GTF2IRD1: variants seen among roughly 807,000 people sequenced by gnomAD.
The protein encoded by GTF2IRD1 is GTF2I repeat domain containing 1.
Under a neutral mutation model 113.2 loss-of-function variants are expected in GTF2IRD1, and 26 were observed. That is an observed-to-expected ratio of 0.23 (90% confidence interval 0.17 to 0.32). The LOEUF is 0.32. GTF2IRD1 is among the 10% of genes least tolerant of loss of function. The pLI, the probability that GTF2IRD1 is intolerant of heterozygous loss-of-function variation, is 1.00. For missense variants in GTF2IRD1, 864 were observed against 1,280.8 expected, an observed-to-expected ratio of 0.67 and a Z score of 4.97; for synonymous variants, 484 against 529.1, an observed-to-expected ratio of 0.91 and a Z score of 1.17.
chr7:74,472,612 C>T (rs1251417326), intron 1 of GTF2IRD1, among the ~76,000 whole-genome samples: 1 of 152,140 alleles, frequency 6.6e-6, no homozygotes, highest in East Asian at 1.9e-4. Context: ...TTTAGCCAGG[C>T]ATGGCGGGGG....
At chr7:74,493,777 G>A (rs2129647135) in intron 1 of GTF2IRD1, among the ~76,000 whole-genome samples, 1 of 152,018 alleles carries the variant, frequency 6.6e-6, no homozygotes, top group Non-Finnish European at 1.5e-5. Context: ...GGAGTGCAGT[G>A]GTGTGATCTT....
chr7:74,497,726 CAG>C (rs1395714677), intron 1 of GTF2IRD1, among the ~76,000 whole-genome samples: 5 of 152,082 alleles, frequency 3.3e-5, no homozygotes, highest in African/African-American at 4.8e-5. Context: ...TTGTTTTAGA[CAG>C]AGTTTCACTC....
chr7:74,523,428 C>T (rs1554346443), intron 7 of GTF2IRD1, among the ~76,000 whole-genome samples: 1 of 151,974 alleles, frequency 6.6e-6, no homozygotes, highest in Non-Finnish European at 1.5e-5. Flanking sequence ...AAATAAAATA[C>T]TCGACCTCAG....
chr7:74,599,811 C>T (rs1436687591), intron 25 of GTF2IRD1, among the ~76,000 whole-genome samples: 1 of 152,140 alleles, frequency 6.6e-6, no homozygotes, highest in African/African-American at 2.4e-5. Context: ...GTGTGAGCCA[C>T]TGCGCCTGGC....
At chr7:74,508,917 G>A (rs1554341978) in intron 2 of GTF2IRD1, among the ~76,000 whole-genome samples, 1 of 152,138 alleles carries the variant, frequency 6.6e-6, no homozygotes, top group Non-Finnish European at 1.5e-5. Context: ...CAGGAAGAGA[G>A]AAACCGAGCT....
chr7:74,473,507 C>T (rs1461670207), intron 1 of GTF2IRD1, among the ~76,000 whole-genome samples: 1 of 152,060 alleles, frequency 6.6e-6, no homozygotes, highest in African/African-American at 2.4e-5. Flanking sequence ...TCACTGCAGC[C>T]TCAAACTCTT....
chr7:74,538,196 G>C, intron 12 of GTF2IRD1, 23 bp downstream of exon 12: 1 of 1,609,788 alleles, frequency 6.2e-7, no homozygotes, highest in Non-Finnish European at 8.5e-7. Flanking sequence ...AGGGCCCGCT[G>C]TGTGTGTGGT....
intron 1 of GTF2IRD1, among the ~76,000 whole-genome samples, chr7:74,467,256 A>G (rs1793782466): frequency 1.3e-5 from 2 of 151,558 alleles, no homozygotes; most frequent in East Asian, 3.9e-4. Context: ...GCCCCTCTCC[A>G]TCCTTCAATC....
chr7:74,577,402 A>G (rs1310498219), intron 22 of GTF2IRD1, among the ~76,000 whole-genome samples: 2 of 152,152 alleles, frequency 1.3e-5, no homozygotes, highest in Admixed American at 6.6e-5. Context: ...ACACGCGCAC[A>G]CACATAATTT....
In GTF2IRD1 at chr7:74,545,554, T is replaced by C. The variant is rs1583848237; in HGVS notation, c.1667-190T>C. On this transcript the variant is annotated intron_variant, in intron 15 of 26. Transcript: ENST00000424337. ...CTAGATTTGATTTCGCAAACAAGAA[T>C]GTGAGCCCAGGAATTGTGGACCTGT... 3.3e-5 allele frequency among the ~76,000 whole-genome samples: 5 copies of C among 152,264 alleles called. No homozygotes were observed. The Middle Eastern group carries it at 0.017, about 518-fold the overall frequency.
In GTF2IRD1 at chr7:74,601,113, C is replaced by T; in HGVS notation, c.2699C>T (p.Ser900Phe). The T allele has an allele frequency of 6.2e-7, 1 of 1,613,726 alleles. No homozygotes were observed. The change falls in exon 26 of 27, where the codon TCC becomes TTC. Residue 900 changes from serine to phenylalanine, a missense_variant. Ser to Phe is a radical substitution (Grantham distance 155, BLOSUM62 -2). Transcript: ENST00000424337. ...VSEGNSVSSSSSSSSSSSSNP... is the reference protein window; with the variant it reads ...VSEGNSVSSSFSSSSSSSSNP... The stretch of plus-strand genomic sequence containing the variant: ...GAAGGAAATTCCGTCTCCTCTTCCT[C>T]CTCGTCTTCCTCTTCCTCGTCCTCT...
chr7:74,539,103 G>A (rs1225146436), intron 13 of GTF2IRD1, among the ~76,000 whole-genome samples: 2 of 152,182 alleles, frequency 1.3e-5, no homozygotes, highest in Non-Finnish European at 2.9e-5. Flanking sequence ...CATCTTCAGA[G>A]GAGAGGATAG....
chr7:74,491,226 A>AT (rs1268713669), intron 1 of GTF2IRD1, among the ~76,000 whole-genome samples: 1 of 151,716 alleles, frequency 6.6e-6, no homozygotes, highest in Non-Finnish European at 1.5e-5. Context: ...GAATCGCCTG[A>AT]ACCCTGGAGG....
intron 1 of GTF2IRD1, among the ~76,000 whole-genome samples, chr7:74,481,203 G>A (rs1375147538): frequency 6.6e-6 from 1 of 152,220 alleles, no homozygotes; most frequent in Non-Finnish European, 1.5e-5. Context: ...CGCCCAGGCT[G>A]GAGTGCAGTG....
chr7:74,454,593 C>CG (rs1304406011), intron 1 of GTF2IRD1, among the ~76,000 whole-genome samples: 1 of 151,898 alleles, frequency 6.6e-6, no homozygotes, highest in Non-Finnish European at 1.5e-5. Context: ...GCCTTTCCCC[C>CG]CTCCACCTTC....
At chr7:74,488,055 A>C (rs1554335910) in intron 1 of GTF2IRD1, among the ~76,000 whole-genome samples, 1 of 152,148 alleles carries the variant, frequency 6.6e-6, no homozygotes, top group African/African-American at 2.4e-5. Flanking sequence ...CCAAGGTGAG[A>C]AGATCACTTG....
intron 8 of GTF2IRD1, among the ~76,000 whole-genome samples, chr7:74,527,280 G>T (rs1554347407): frequency 6.6e-6 from 1 of 152,150 alleles, no homozygotes; most frequent in African/African-American, 2.4e-5. Flanking sequence ...CTTGAGCCCA[G>T]GAGTTCAAGA....
At chr7:74,538,457 G>C (rs1409781559) in intron 12 of GTF2IRD1, among the ~76,000 whole-genome samples, 6 of 152,172 alleles carry the variant, frequency 3.9e-5, no homozygotes, top group Non-Finnish European at 5.9e-5. Flanking sequence ...CCTCCCCTCT[G>C]GGGGGCCTCA....
chr7:74,477,377 G>A (rs1160561762), intron 1 of GTF2IRD1, among the ~76,000 whole-genome samples: 3 of 151,076 alleles, frequency 2.0e-5, no homozygotes, highest in Admixed American at 6.6e-5. Context: ...AAAAAAAGAG[G>A]TGCGGGGAGG....
Sources: allele counts gnomAD v4.1 joint callset (sites outside exome capture counted in the v4.1 genomes callset), GRCh38; gene constraint gnomAD v4.1.1; transcripts MANE v1.5; gene names NCBI Gene and HGNC (gene_info 2026-07-23, HGNC 2026-07-21).